TIMM44: variants seen among roughly 807,000 people sequenced by gnomAD.
TIMM44 encodes translocase of inner mitochondrial membrane 44.
In TIMM44, 37 loss-of-function variants were observed where a neutral mutation model predicts 63.8. The observed-to-expected ratio is 0.58, with a 90% CI of 0.45 to 0.76. The LOEUF is 0.76. Among genes scored for constraint, TIMM44 ranks in the 30% least tolerant of loss-of-function variants. The pLI, the probability that TIMM44 is intolerant of heterozygous loss-of-function variation, is 0.00. For missense variants in TIMM44, 573 were observed against 603.8 expected (o/e 0.95, Z 0.54); for synonymous variants, 239 against 245.1 (o/e 0.98, Z 0.23).
In TIMM44 at chr19:7,927,285, A is replaced by C. The variant is rs920150988; in HGVS notation, c.1261T>G (p.Tyr421Asp). The change falls in exon 13 of 13, where the codon TAC becomes GAC. Residue 421 changes from tyrosine to aspartate, a missense_variant. Tyr to Asp is a radical substitution (Grantham distance 160). Transcript: ENST00000270538. The stretch of plus-strand genomic sequence containing the variant: ...TGGTCTCGGCAGAGCGCCCACACGT[A>C]CAGCATCCGCAGCACCTTGTCCTGC... ...GDPDKVLRML[Y>D]VWALCRDQDE... is the part of the protein sequence containing the mutation. 6.2e-7 allele frequency: 1 copy of C among 1,611,230 alleles called. No homozygotes were observed. Among genetic ancestry groups the C allele is most frequent in the Non-Finnish European group, 8.5e-7 (1 of 1,179,790 alleles).
chr19:7,931,405 A>T, intron 9 of TIMM44: 1 of 581,174 alleles, frequency 1.7e-6, no homozygotes, highest in Non-Finnish European at 3.1e-6. Flanking sequence ...GCACAGGCGG[A>T]GGGCGGCCTG....
intron 9 of TIMM44, chr19:7,931,825 C>CT: frequency 6.3e-6 from 1 of 159,738 alleles, no homozygotes; most frequent in Non-Finnish European, 1.4e-5. Context: ...GTGGCCAGAA[C>CT]ACTTGGCACC....
chr19:7,929,505 A>G (rs1330655932), intron 10 of TIMM44, among the ~76,000 whole-genome samples: 1 of 151,878 alleles, frequency 6.6e-6, no homozygotes, highest in Non-Finnish European at 1.5e-5. Flanking sequence ...AGCTCCCCCA[A>G]CTCTTCCAGG....
intron 10 of TIMM44, 40 bp from the exon 11 acceptor site, chr19:7,928,206 G>A (rs757790038): frequency 2.6e-5 from 40 of 1,560,582 alleles, no homozygotes; most frequent in Non-Finnish European, 3.4e-5. Flanking sequence ...ATGCCACCCA[G>A]GGTGGGCACC....
chr19:7,927,752 T>G lies in TIMM44; in HGVS notation c.1144A>C (p.Met382Leu). ...IDNVDLAMGK[M>L]MEQGPVLIIT... is the part of the protein sequence containing the mutation. ...ATCAGCACCGGCCCCTGCTCCATCA[T>G]CTTGCCCATGGCCAGCTGCAGAGGG... Residue 382 changes from methionine to leucine, a missense_variant, in exon 12 of 13, where the codon ATG becomes CTG. Coordinates refer to ENST00000270538, the MANE Select transcript of TIMM44 (RefSeq NM_006351.4). The G allele has an allele frequency of 6.2e-7, 1 of 1,611,890 alleles. No homozygotes were observed. Among genetic ancestry groups the G allele is most frequent in the Non-Finnish European group, 8.5e-7 (1 of 1,179,996 alleles).
In TIMM44 at chr19:7,933,576, G is replaced by T. The variant is rs774289428; in HGVS notation, c.684-6C>A. The T allele has an allele frequency of 3.7e-6, 6 of 1,613,374 alleles. No individual in the cohort carries two copies. In the Middle Eastern group the frequency reaches 4.9e-4, roughly 133 times the overall value. ...GCACGACCCCCAGGGCCTCCCTGGG[G>T]AAGAGGGTGGGCCCTGGGGTGAGCG... On this transcript the variant is annotated splice_polypyrimidine_tract_variant and splice_region_variant and intron_variant, in intron 6 of 12. Transcript: ENST00000270538. This position sits in a 1 kb window ranked among gnomAD's most constrained non-coding sequence, Gnocchi z 4.3.
At chr19:7,928,289 CA>C in intron 10 of TIMM44, 123 bp from the exon 11 acceptor site, 1 of 800,562 alleles carries the variant, frequency 1.2e-6, no homozygotes, top group South Asian at 1.6e-5. Flanking sequence ...TGGCAGAGGC[CA>C]AGAACCCAGG....
chr19:7,936,747 C>T (rs1474682538), intron 3 of TIMM44, among the ~76,000 whole-genome samples: 3 of 152,294 alleles, frequency 2.0e-5, no homozygotes, highest in South Asian at 4.1e-4. Flanking sequence ...ACGGGCAGAT[C>T]ACTTGAGGCC....
chr19:7,928,121 C>A lies in TIMM44; in HGVS notation c.1084G>T (p.Gly362Cys). The A allele has an allele frequency of 2.5e-6, 4 of 1,614,074 alleles. No homozygotes were observed. The highest frequency in any genetic ancestry group is 1.3e-5 in the African/African-American group (1 of 75,076). The stretch of plus-strand genomic sequence containing the variant: ...AGGATGCGAGAATGGAACTGGAGAC[C>A]CAGTGCCTTGGCCTGCTGGATGGGG... ...AHPIQQAKAL[G>C]LQFHSRILDI... is the part of the protein sequence containing the mutation. The change falls in exon 11 of 13, where the codon GGT becomes TGT. Residue 362 changes from glycine to cysteine, a missense_variant. By Grantham distance (159) the Gly-to-Cys change is radical. Coordinates refer to ENST00000270538, the MANE Select transcript of TIMM44 (RefSeq NM_006351.4).
intron 2 of TIMM44, among the ~76,000 whole-genome samples, chr19:7,940,127 G>T (rs1314196340): frequency 1.3e-5 from 2 of 151,648 alleles, no homozygotes; most frequent in African/African-American, 4.9e-5. Context: ...CAGCTACTCA[G>T]AAGGCTGAGG....
In TIMM44 at chr19:7,934,047, G is replaced by C. The variant is rs371298101; in HGVS notation, c.543+42C>G. On this transcript the variant is annotated intron_variant, in intron 5 of 12. Coordinates refer to ENST00000270538, the MANE Select transcript of TIMM44 (RefSeq NM_006351.4). This position sits in a 1 kb window ranked among gnomAD's most constrained non-coding sequence, Gnocchi z 5.3. Reference sequence around the variant, plus strand: ...GGGGCTGGGGTGGGTGTCTGGGTTCGGCCGCCCCAGGCTGCATGCCCTAGC... The same window carrying C: ...GGGGCTGGGGTGGGTGTCTGGGTTCCGCCGCCCCAGGCTGCATGCCCTAGC... 2.5e-6 allele frequency: 4 copies of C among 1,613,232 alleles called. No individual in the cohort carries two copies. Among genetic ancestry groups the C allele is most frequent in the Non-Finnish European group, 3.4e-6 (4 of 1,179,970 alleles).
chr19:7,938,516 T>TA (rs1266569630), intron 2 of TIMM44, among the ~76,000 whole-genome samples: 2 of 151,918 alleles, frequency 1.3e-5, no homozygotes, highest in African/African-American at 2.4e-5. Context: ...GCACCCTATT[T>TA]AAAAAACAGG....
chr19:7,935,229 G>A (rs759938670), intron 3 of TIMM44, 84 bp from the exon 4 acceptor site: 8 of 1,221,028 alleles, frequency 6.6e-6, no homozygotes, highest in African/African-American at 1.6e-5. Flanking sequence ...ACAGTGGCAC[G>A]CTCTCGGCTC....
At position 7,934,723 on chromosome 19, in the gene TIMM44, C is replaced by A. The variant is rs1289004130; in HGVS notation, c.393+342G>T. Among the ~76,000 whole-genome samples, 1 of 152,198 alleles carries A rather than the reference C, an allele frequency of 6.6e-6. No homozygotes were observed. The highest frequency in any genetic ancestry group is 1.5e-5 in the Non-Finnish European group (1 of 68,016). On this transcript the variant is annotated intron_variant, in intron 4 of 12. Coordinates refer to ENST00000270538, the MANE Select transcript of TIMM44 (RefSeq NM_006351.4). This position sits in a 1 kb window ranked among gnomAD's most constrained non-coding sequence, Gnocchi z 5.3. ...CAGACAACCGAGGAGAGCCGCAGCACCCCAGGAATCCTGCCTCCCGCCTCT... is the reference window on the plus strand; with the variant it reads ...CAGACAACCGAGGAGAGCCGCAGCAACCCAGGAATCCTGCCTCCCGCCTCT...
In TIMM44 at chr19:7,934,033, G is replaced by A. The variant is rs1282190997; in HGVS notation, c.544-30C>T. 6.2e-7 allele frequency: 1 copy of A among 1,613,446 alleles called. No individual in the cohort carries two copies. The highest frequency in any genetic ancestry group is 8.5e-7 in the Non-Finnish European group (1 of 1,179,992). On this transcript the variant is annotated intron_variant, in intron 5 of 12. Coordinates refer to ENST00000270538, the MANE Select transcript of TIMM44 (RefSeq NM_006351.4). The surrounding 1 kb of genome is among the most constrained non-coding windows in gnomAD (Gnocchi z 5.3). ...GAGGGAGGCACAGCGGGGCTGGGGTGGGTGTCTGGGTTCGGCCGCCCCAGG... is the reference window on the plus strand; with the variant it reads ...GAGGGAGGCACAGCGGGGCTGGGGTAGGTGTCTGGGTTCGGCCGCCCCAGG...
intron 12 of TIMM44, 81 bp from the exon 13 acceptor site, chr19:7,927,387 G>A: frequency 6.4e-7 from 1 of 1,553,144 alleles, no homozygotes. Flanking sequence ...GGCTCTGTGG[G>A]GCAGGAGCCA....
intron 2 of TIMM44, among the ~76,000 whole-genome samples, chr19:7,939,707 G>A (rs1984252128): frequency 1.3e-5 from 2 of 151,776 alleles, no homozygotes; most frequent in African/African-American, 4.8e-5. Context: ...CTTGAGGCCA[G>A]GAGTCCGAGA....
In TIMM44 at chr19:7,941,105, T is replaced by C. The variant is rs145509783; in HGVS notation, c.138A>G (p.Pro46=). ...CCGAGCATCCTGAGTCACTCACCAGTGGCAGCTCTCCGCCCGGCCGGCGCA... is the reference window on the plus strand; with the variant it reads ...CCGAGCATCCTGAGTCACTCACCAGCGGCAGCTCTCCGCCCGGCCGGCGCA... ...YQMRRPGGEL[P]LSKSYSSGNR... The change falls in exon 2 of 13, where the codon CCA becomes CCG. Residue 46 remains proline, a synonymous_variant. Coordinates refer to ENST00000270538, the MANE Select transcript of TIMM44 (RefSeq NM_006351.4). The C allele has an allele frequency of 4.7e-3, 7,506 of 1,613,462 alleles. 19 individuals carry two copies. Among genetic ancestry groups the C allele is most frequent in the Non-Finnish European group, 5.7e-3 (6,674 of 1,179,664 alleles).
At position 7,943,535 on chromosome 19, in the gene TIMM44, G is replaced by A. The variant is rs1984367391; in HGVS notation, c.45+72C>T. The stretch of plus-strand genomic sequence containing the variant: ...AGGGTCGCGAAGGCCAAGGGTCTGA[G>A]AAGAAAGCCTTGGTGGCCGAAGGCC... On this transcript the variant is annotated intron_variant, in intron 1 of 12. Transcript: ENST00000270538. The surrounding 1 kb of genome is among the most constrained non-coding windows in gnomAD (Gnocchi z 4.3). The A allele has an allele frequency of 1.3e-6, 2 of 1,514,242 alleles. No individual in the cohort carries two copies. Among genetic ancestry groups the A allele is most frequent in the African/African-American group, 1.4e-5 (1 of 72,684 alleles). The allele number at this position is 1,514,242 out of a possible 1,614,324, so 93.8% of individuals were successfully genotyped here.
Sources: gnomAD v4.1 joint callset for allele counts (sites outside exome capture counted in the v4.1 genomes callset) on GRCh38, gnomAD v4.1.1 for gene constraint, Gnocchi (gnomAD v3.1) non-coding constraint, MANE v1.5 for transcripts, NCBI Gene and HGNC (gene_info 2026-07-23, HGNC 2026-07-21) for gene names.